KCNMB2: variants seen among roughly 807,000 people sequenced by gnomAD.
KCNMB2 encodes the protein potassium calcium-activated channel subfamily M regulatory beta subunit 2.
Under a neutral mutation model 24.5 loss-of-function variants are expected in KCNMB2, and 9 were observed. The observed-to-expected ratio is 0.37, with a 90% confidence interval of 0.22 to 0.64. KCNMB2 has a LOEUF of 0.64. Ranked by LOEUF, KCNMB2 falls within the 30% of genes least tolerant of loss-of-function variation. The probability of loss-of-function intolerance (pLI) is 0.63; values close to 1 mark genes in which losing one functional copy is unlikely to be tolerated. For missense variants in KCNMB2, 226 were observed against 284.3 expected, an observed-to-expected ratio of 0.79 and a Z score of 1.47; for synonymous variants, 109 against 104.4, an observed-to-expected ratio of 1.04 and a Z score of -0.27.
intron 1 of KCNMB2, among the ~76,000 whole-genome samples, chr3:178,681,864 A>C (rs1342720167): frequency 6.6e-6 from 1 of 152,112 alleles, no homozygotes; most frequent in Non-Finnish European, 1.5e-5. Context: ...ATTATAGTGG[A>C]CTTATGGAAT....
At chr3:178,668,709 T>A (rs1187721974) in intron 1 of KCNMB2, among the ~76,000 whole-genome samples, 1 of 152,166 alleles carries the variant, frequency 6.6e-6, no homozygotes, top group Non-Finnish European at 1.5e-5. Context: ...CATTGTGTAC[T>A]TGTGGGCAGG....
At chr3:178,656,965 T>C (rs1010896390) in intron 1 of KCNMB2, among the ~76,000 whole-genome samples, 4 of 152,060 alleles carry the variant, frequency 2.6e-5, no homozygotes, top group Non-Finnish European at 5.9e-5. Context: ...CAAACCCAAA[T>C]GCAGGGTGTG....
At chr3:178,695,002 G>A (rs1000155623) in intron 1 of KCNMB2, among the ~76,000 whole-genome samples, 1 of 152,208 alleles carries the variant, frequency 6.6e-6, no homozygotes, top group African/African-American at 2.4e-5. Context: ...CTCCATGAGG[G>A]CTCCACCCCT....
intron 1 of KCNMB2, among the ~76,000 whole-genome samples, chr3:178,675,446 G>A (rs1392491488): frequency 6.6e-6 from 1 of 152,152 alleles, no homozygotes; most frequent in Non-Finnish European, 1.5e-5. Flanking sequence ...CTTTCCCGCA[G>A]GGCTGGATTT....
chr3:178,616,301 A>C (rs372477104), intron 1 of KCNMB2, among the ~76,000 whole-genome samples: 19 of 152,302 alleles, frequency 1.2e-4, no homozygotes, highest in South Asian at 1.0e-3. Context: ...GGAGATATAG[A>C]GTGCTGTAGC....
intron 1 of KCNMB2, among the ~76,000 whole-genome samples, chr3:178,661,507 T>TCTACTCTGC (rs1560153675): frequency 5.3e-5 from 8 of 152,282 alleles, no homozygotes; most frequent in African/African-American, 1.9e-4. Context: ...TCTCTTGCGG[T>TCTACTCTGC]CACTCTACTC....
At chr3:178,554,985 C>A (rs1716075224) in intron 1 of KCNMB2, among the ~76,000 whole-genome samples, 1 of 152,158 alleles carries the variant, frequency 6.6e-6, no homozygotes, top group African/African-American at 2.4e-5. Flanking sequence ...AACATATGAC[C>A]AAGACCAATG....
chr3:178,623,930 T>TCCTGAGAGAAGGTCCCAGGTCATAGGATA, intron 1 of KCNMB2, among the ~76,000 whole-genome samples: 1 of 152,188 alleles, frequency 6.6e-6, no homozygotes, highest in Non-Finnish European at 1.5e-5. Flanking sequence ...CCAGGAGCTC[T>TCCTGAGAGAAGGTCCCAGGTCATAGGATA]CCTGAGAGAA....
At chr3:178,567,228 C>T (rs891325647) in intron 1 of KCNMB2, among the ~76,000 whole-genome samples, 1 of 151,832 alleles carries the variant, frequency 6.6e-6, no homozygotes, top group African/African-American at 2.4e-5. Flanking sequence ...TGTGTGAGAG[C>T]GTGTGAGAGT....
chr3:178,635,526 T>C (rs1234539532), intron 1 of KCNMB2, among the ~76,000 whole-genome samples: 2 of 152,076 alleles, frequency 1.3e-5, no homozygotes, highest in Admixed American at 6.6e-5. Context: ...TGTAGTGGAA[T>C]AGCTCTGAAA....
chr3:178,776,172 T>C (rs1483467773), intron 1 of KCNMB2, among the ~76,000 whole-genome samples: 1 of 152,116 alleles, frequency 6.6e-6, no homozygotes, highest in African/African-American at 2.4e-5. Context: ...ATCCACTCAA[T>C]CCCTGCTCCA....
intron 1 of KCNMB2, among the ~76,000 whole-genome samples, chr3:178,653,601 A>G (rs764274460): frequency 6.6e-6 from 1 of 152,114 alleles, no homozygotes; most frequent in Non-Finnish European, 1.5e-5. Context: ...GGAAATTTTT[A>G]GAAACCATAA....
intron 1 of KCNMB2, among the ~76,000 whole-genome samples, chr3:178,621,361 C>T (rs973354087): frequency 1.7e-4 from 25 of 147,324 alleles, no homozygotes; most frequent in Admixed American, 1.1e-3. Context: ...GATTCCTCCA[C>T]CCTTCTCTCT....
intron 1 of KCNMB2, among the ~76,000 whole-genome samples, chr3:178,541,559 T>G (rs1189540426): frequency 6.6e-6 from 1 of 152,206 alleles, no homozygotes; most frequent in African/African-American, 2.4e-5. Flanking sequence ...CATTTATACA[T>G]TTTTTCAATT....
At chr3:178,711,916 G>A (rs752448902) in intron 1 of KCNMB2, among the ~76,000 whole-genome samples, 3 of 152,262 alleles carry the variant, frequency 2.0e-5, no homozygotes, top group East Asian at 1.9e-4. Flanking sequence ...AAAATGCTGC[G>A]TTGTTATGAG....
intron 1 of KCNMB2, among the ~76,000 whole-genome samples, chr3:178,585,482 T>G (rs2108493570): frequency 6.6e-6 from 1 of 152,334 alleles, no homozygotes. Flanking sequence ...TTCCACTTAC[T>G]TTTGCTACTA....
intron 1 of KCNMB2, among the ~76,000 whole-genome samples, chr3:178,694,785 A>G (rs1721814796): frequency 6.6e-6 from 1 of 152,194 alleles, no homozygotes; most frequent in South Asian, 2.1e-4. Context: ...GAAAGGTACA[A>G]TTCCCCTCCC....
At chr3:178,670,549 G>C (rs2108582393) in intron 1 of KCNMB2, among the ~76,000 whole-genome samples, 1 of 152,244 alleles carries the variant, frequency 6.6e-6, no homozygotes, top group East Asian at 1.9e-4. Flanking sequence ...ACCTAAAGAT[G>C]ATGGCTCATT....
chr3:178,577,266 C>A (rs1353762549), intron 1 of KCNMB2, among the ~76,000 whole-genome samples: 1 of 152,130 alleles, frequency 6.6e-6, no homozygotes, highest in East Asian at 1.9e-4. Context: ...AGTAGACCTG[C>A]AGAAGAGGGG....
Sources: allele counts gnomAD v4.1 joint callset (sites outside exome capture counted in the v4.1 genomes callset), GRCh38; gene constraint gnomAD v4.1.1; transcripts MANE v1.5; gene names NCBI Gene and HGNC (gene_info 2026-07-23, HGNC 2026-07-21).